SHISA4: variants seen among roughly 807,000 people sequenced by gnomAD.
SHISA4 encodes the protein shisa family member 4.
A neutral mutation model predicts 24.2 loss-of-function variants in SHISA4; 16 were observed. The ratio of observed to expected loss-of-function variants is 0.66; its 90% CI spans 0.45 to 1.00. SHISA4 has a LOEUF of 1.00. Ranked by LOEUF, SHISA4 falls within the 50% of genes least tolerant of loss-of-function variation. The probability of loss-of-function intolerance (pLI) is 0.00; values close to 1 mark genes in which losing one functional copy is unlikely to be tolerated. For missense variants in SHISA4, 238 were observed against 258.9 expected (o/e 0.92, Z 0.55); for synonymous variants, 106 against 105.4 (o/e 1.01, Z -0.04).
rs6686209 is a variant in SHISA4 at position 201,889,562 on chromosome 1, G to A, written c.191G>A (p.Arg64Lys). 3 of 1,614,050 alleles carry A rather than the reference G, an allele frequency of 1.9e-6. No homozygotes were observed. In the Admixed American group the frequency reaches 5.0e-5, roughly 27 times the overall value. Residue 64 changes from arginine (R) to lysine (K), a missense_variant, in exon 2 of 5, where the codon AGG becomes AAG. Arg to Lys is a conservative substitution (Grantham distance 26). Transcript: ENST00000362011. ...CGTCYHRYCC[R>K]DLTLLITERQ... The stretch of plus-strand genomic sequence containing the variant: ...ACCTGCTACCATCGGTACTGCTGCA[G>A]GGACCTGACCTTGCTTATCACCGAG...
chr1:201,889,016 C>T lies in SHISA4; in HGVS notation c.22C>T (p.Arg8Trp). 1 of 1,381,366 alleles carries T rather than the reference C, an allele frequency of 7.2e-7. No individual in the cohort carries two copies. Among genetic ancestry groups the T allele is most frequent in the Middle Eastern group, 2.2e-4 (1 of 4,636 alleles). The allele number at this position is 1,381,366 out of a possible 1,614,324, so 85.6% of individuals were successfully genotyped here. ...CACCATGCCACCCGCGGGGCTCCGC[C>T]GGGCCGCGCCGCTCACCGCAATCGC... MPPAGLR[R>W]AAPLTAIALL... Residue 8 changes from arginine (R) to tryptophan (W), a missense_variant, in exon 1 of 5, where the codon CGG (arginine) becomes TGG (tryptophan). Transcript: ENST00000362011.
At chr1:201,889,218 A>T in intron 1 of SHISA4, 151 bp downstream of exon 1, 1 of 921,258 alleles carries the variant, frequency 1.1e-6, no homozygotes, top group Non-Finnish European at 1.6e-6. Context: ...AAGCGGGAAG[A>T]GGGAGCTCCA....
At chr1:201,889,152 C>T (rs1681043090) in intron 1 of SHISA4, 85 bp downstream of exon 1, 1 of 1,251,718 alleles carries the variant, frequency 8.0e-7, no homozygotes, top group East Asian at 2.6e-5. Context: ...GGGCTCGGGG[C>T]TTCTCCGAGA....
rs553660633 is a variant in SHISA4 at position 201,891,988 on chromosome 1, G to A, written c.*142G>A. On this transcript the variant is annotated 3_prime_UTR_variant, in exon 5 of 5. Coordinates refer to ENST00000362011, the MANE Select transcript of SHISA4 (RefSeq NM_198149.3). ...ACCAAGCCAAGCCCTGGGCCCTACT[G>A]GGGACAGAGCCCCAGGGAAGTGGAA... 1 of 927,486 alleles carries A rather than the reference G, an allele frequency of 1.1e-6. No homozygotes were observed. The highest frequency in any genetic ancestry group is 2.4e-5 in the East Asian group (1 of 41,394). The allele number at this position is 927,486 out of a possible 1,614,324, so 57.5% of individuals were successfully genotyped here.
intron 3 of SHISA4, 146 bp downstream of exon 3, chr1:201,890,733 T>A: frequency 9.0e-7 from 1 of 1,114,978 alleles, no homozygotes; most frequent in East Asian, 2.4e-5. Flanking sequence ...CCCAGAAAAA[T>A]GCTTGTAAAC....
intron 2 of SHISA4, 121 bp downstream of exon 2, chr1:201,889,737 A>C: frequency 1.7e-6 from 2 of 1,200,562 alleles, no homozygotes; most frequent in Non-Finnish European, 2.4e-6. Context: ...AGCTGAATAG[A>C]GTCACCAGGA....
Position 201,892,178 on chromosome 1 carries a change from T to G in SHISA4, c.*332T>G. 2 of 248,342 alleles carry G rather than the reference T, an allele frequency of 8.1e-6. No individual in the cohort carries two copies. The highest frequency in any genetic ancestry group is 7.5e-6 in the Non-Finnish European group (1 of 133,698). 15.4% of individuals were successfully genotyped at this position (248,342 alleles called of 1,614,324 possible). ...GCCAGGAAGGCTGGGGCCCTACTGTTTGTCCCCTCTGGGCTGGGGTGGGGG... is the reference window on the plus strand; with the variant it reads ...GCCAGGAAGGCTGGGGCCCTACTGTGTGTCCCCTCTGGGCTGGGGTGGGGG... On this transcript the variant is annotated 3_prime_UTR_variant, in exon 5 of 5. Transcript: ENST00000362011.
chr1:201,890,304 TCTC>T (rs1477598074), intron 2 of SHISA4, 147 bp from the exon 3 acceptor site: 8 of 1,002,742 alleles, frequency 8.0e-6, no homozygotes, highest in Non-Finnish European at 1.2e-5. Context: ...TCCTCTAAGA[TCTC>T]CTTCACAGGG....
At chr1:201,889,164 C>T (rs1437105654) in intron 1 of SHISA4, 97 bp downstream of exon 1, 1 of 1,181,396 alleles carries the variant, frequency 8.5e-7, no homozygotes, top group African/African-American at 1.6e-5. Flanking sequence ...TCTCCGAGAC[C>T]CTCCGGCTGC....
chr1:201,890,548 C>A lies in SHISA4; in HGVS notation c.340C>A (p.Leu114Met). ...ICCFLCSCCY[L>M]YRRRQQLQSP... ...CTGCTTCCTCTGTTCCTGTTGCTAC[C>A]TGTACCGCCGGCGCCAGCAGCTCCA... The change falls in exon 3 of 5, where the codon CTG becomes ATG. Residue 114 changes from leucine to methionine, a missense_variant. Leu to Met is a conservative substitution (Grantham distance 15, BLOSUM62 2). Coordinates refer to ENST00000362011, the MANE Select transcript of SHISA4 (RefSeq NM_198149.3). 6.2e-7 allele frequency: 1 copy of A among 1,614,262 alleles called. No individual in the cohort carries two copies. The highest frequency in any genetic ancestry group is 8.5e-7 in the Non-Finnish European group (1 of 1,180,054).
At chr1:201,888,853 C>T (rs115570001), upstream of SHISA4, 1,933 of 458,032 alleles carry the variant, frequency 4.2e-3, 38 homozygotes, top group African/African-American at 0.036. Context: ...GCGGGCGGGG[C>T]GCTTAGTCCC....
Position 201,890,457 on chromosome 1 carries a change from C to G in SHISA4, c.249C>G (p.Pro83=). Residue 83 remains proline (P), a synonymous_variant, in exon 3 of 5, where the codon CCC becomes CCG. Transcript: ENST00000362011. The part of the protein sequence containing the change: ...RQQKHCLAFS[P]KTIAGIASAV... The stretch of plus-strand genomic sequence containing the variant: ...AGGACCTGTTCTTTGTCTAAAGCCC[C>G]AAGACCATAGCAGGCATCGCCTCAG... The G allele has an allele frequency of 6.2e-7, 1 of 1,614,160 alleles. No individual in the cohort carries two copies. The highest frequency in any genetic ancestry group is 8.5e-7 in the Non-Finnish European group (1 of 1,180,014).
At position 201,888,965 on chromosome 1, in the gene SHISA4, G is replaced by A; in HGVS notation, c.-30G>A. On this transcript the variant is annotated 5_prime_UTR_variant, in exon 1 of 5. Transcript: ENST00000362011. ...GGTCCTGCGGTCCCTTCTCTGGGAG[G>A]CCCGACCCCGGCCGCGCCCAGCCCC... The A allele has an allele frequency of 7.3e-7, 1 of 1,371,780 alleles. No homozygotes were observed. The highest frequency in any genetic ancestry group is 9.4e-7 in the Non-Finnish European group (1 of 1,059,036). The allele number at this position is 1,371,780 out of a possible 1,614,324, so 85.0% of individuals were successfully genotyped here.
At chr1:201,890,289 G>A (rs549640340) in intron 2 of SHISA4, among the ~76,000 whole-genome samples, 165 bp from the exon 3 acceptor site, 23 of 152,316 alleles carry the variant, frequency 1.5e-4, no homozygotes, top group Admixed American at 3.9e-4. Flanking sequence ...TCTGGGAAGT[G>A]GAGGTCCTCT....
At chr1:201,889,242 TG>T in intron 1 of SHISA4, 175 bp downstream of exon 1, 1 of 910,094 alleles carries the variant, frequency 1.1e-6, no homozygotes, top group Non-Finnish European at 1.6e-6. Context: ...TGCTGGGCCA[TG>T]GGAGGCTGAT....
At chr1:201,891,622 G>T (rs1255777254) in intron 4 of SHISA4, 54 bp downstream of exon 4, 1 of 1,566,682 alleles carries the variant, frequency 6.4e-7, no homozygotes, top group Non-Finnish European at 8.7e-7. Flanking sequence ...CCCTTGCCCT[G>T]CGACCTCCCC....
intron 2 of SHISA4, among the ~76,000 whole-genome samples, chr1:201,889,933 A>G (rs945814322): frequency 3.3e-5 from 5 of 152,152 alleles, no homozygotes; most frequent in African/African-American, 1.2e-4. Context: ...ACGACAGTGT[A>G]GCTTTGTGGA....
chr1:201,891,952 C>T lies in SHISA4; in HGVS notation c.*106C>T, dbSNP rs890863543. 3 of 1,384,638 alleles carry T rather than the reference C, an allele frequency of 2.2e-6. No homozygotes were observed. The highest frequency in any genetic ancestry group is 3.1e-6 in the Non-Finnish European group (3 of 976,224). The allele number at this position is 1,384,638 out of a possible 1,614,324, so 85.8% of individuals were successfully genotyped here. On this transcript the variant is annotated 3_prime_UTR_variant, in exon 5 of 5. Transcript: ENST00000362011. ...GGGGGTGGCAGGAGTCCTCCAGCCA[C>T]CAGGCCCCAGACCAAGCCAAGCCCT...
At position 201,891,512 on chromosome 1, in the gene SHISA4, G is replaced by A; in HGVS notation, c.491G>A (p.Gly164Asp). Reference sequence around the variant, plus strand: ...CCTGGCTTCATATACCCACCTAGTGGTCCTGCTCCCCAATATCCACTCTAC... The same window carrying A: ...CCTGGCTTCATATACCCACCTAGTGATCCTGCTCCCCAATATCCACTCTAC... ...PQPGFIYPPS[G>D]PAPQYPLYPA... The change falls in exon 4 of 5, where the codon GGT becomes GAT. Residue 164 changes from glycine to aspartate, a missense_variant. Transcript: ENST00000362011. 2.5e-6 allele frequency: 4 copies of A among 1,613,758 alleles called. No individual in the cohort carries two copies. The East Asian group carries it at 6.7e-5, about 27-fold the overall frequency.
Sources: allele counts gnomAD v4.1 joint callset (sites outside exome capture counted in the v4.1 genomes callset), GRCh38; gene constraint gnomAD v4.1.1; transcripts MANE v1.5; gene names NCBI Gene and HGNC (gene_info 2026-07-23, HGNC 2026-07-21).